Variants in RTN4IP1 observed in about 807,000 individuals in gnomAD.
The protein encoded by RTN4IP1 is NAD(P)H oxidoreductase RTN4IP1, mitochondrial.
RTN4IP1 carries 32 observed loss-of-function variants against 46.6 expected under a neutral mutation model. The ratio of observed to expected loss-of-function variants is 0.69; its 90% confidence interval spans 0.52 to 0.92. RTN4IP1 has a LOEUF of 0.92. Ranked by LOEUF, RTN4IP1 falls within the 40% of genes least tolerant of loss-of-function variation. The pLI is 0.00. For missense variants in RTN4IP1, 424 were observed against 485.8 expected, an observed-to-expected ratio of 0.87 and a Z score of 1.20; for synonymous variants, 167 against 161.8, an observed-to-expected ratio of 1.03 and a Z score of -0.24.
At chr6:106,624,581 C>T (rs1776587552) in intron 1 of RTN4IP1, among the ~76,000 whole-genome samples, 1 of 151,262 alleles carries the variant, frequency 6.6e-6, no homozygotes, top group Non-Finnish European at 1.5e-5. Flanking sequence ...AAGCGATCCA[C>T]CCACCTTGCC....
rs369799667 is a variant in RTN4IP1, at chr6:106,592,884, G to A, written c.670-584C>T. Among the ~76,000 whole-genome samples the A allele has an allele frequency of 5.6e-4, 85 of 151,784 alleles. 1 individual carries two copies. The highest frequency in any genetic ancestry group is 1.9e-3 in the African/African-American group (77 of 41,406). ...GCAGAGGTTGCAGTGAGCCAAGATC[G>A]TGCCATCGCACTCCAGCCTGGGGTA... On this transcript the variant is annotated intron_variant, in intron 5 of 8. Transcript: ENST00000369063.
intron 4 of RTN4IP1, among the ~76,000 whole-genome samples, chr6:106,611,609 T>C (rs983385417): frequency 2.0e-5 from 3 of 152,170 alleles, no homozygotes; most frequent in Non-Finnish European, 4.4e-5. Flanking sequence ...GGAAAACAGA[T>C]AAAAGATAGC....
chr6:106,605,512 C>A (rs769807860), intron 4 of RTN4IP1, among the ~76,000 whole-genome samples: 4 of 150,742 alleles, frequency 2.7e-5, no homozygotes, highest in Non-Finnish European at 5.9e-5. Flanking sequence ...GTGATTACAG[C>A]CAAAGAAATC....
At chr6:106,604,976 T>C (rs1252331033) in intron 4 of RTN4IP1, among the ~76,000 whole-genome samples, 2 of 152,166 alleles carry the variant, frequency 1.3e-5, no homozygotes, top group African/African-American at 4.8e-5. Flanking sequence ...CCAGTTCACC[T>C]GGGGCCCACA....
At chr6:106,577,644 C>T (rs774747532) in intron 8 of RTN4IP1, among the ~76,000 whole-genome samples, 1 of 151,984 alleles carries the variant, frequency 6.6e-6, no homozygotes, top group Non-Finnish European at 1.5e-5. Context: ...AATATGGCAC[C>T]TTACATGGCA....
chr6:106,580,633 C>A (rs527611448), intron 8 of RTN4IP1, among the ~76,000 whole-genome samples: 4 of 150,656 alleles, frequency 2.7e-5, no homozygotes, highest in Admixed American at 2.7e-4. Context: ...GCAGGAGAAT[C>A]GCTTGTACCC....
At chr6:106,595,122 A>C (rs2114645629) in intron 5 of RTN4IP1, among the ~76,000 whole-genome samples, 2 of 152,206 alleles carry the variant, frequency 1.3e-5, no homozygotes, top group Middle Eastern at 6.8e-3. Flanking sequence ...TTTAAATCAT[A>C]GGCTCCTGTT....
At chr6:106,611,747 T>C (rs1322347416) in intron 4 of RTN4IP1, among the ~76,000 whole-genome samples, 2 of 152,238 alleles carry the variant, frequency 1.3e-5, no homozygotes, top group Non-Finnish European at 2.9e-5. Context: ...TAGATTTATG[T>C]GTCCTCTTCT....
At chr6:106,628,668 G>T in intron 1 of RTN4IP1, 80 bp downstream of exon 1, 1 of 1,265,556 alleles carries the variant, frequency 7.9e-7, no homozygotes, top group Non-Finnish European at 1.1e-6. Flanking sequence ...AACCAAAGAA[G>T]CGTAGTCAAT....
intron 8 of RTN4IP1, among the ~76,000 whole-genome samples, chr6:106,574,163 G>A (rs568371456): frequency 1.3e-5 from 2 of 152,256 alleles, no homozygotes; most frequent in East Asian, 1.9e-4. Flanking sequence ...GATGTTTCTC[G>A]GCCCAGTGCA....
chr6:106,589,236 AG>A (rs1562136679), intron 6 of RTN4IP1, among the ~76,000 whole-genome samples: 1 of 3,198 alleles, frequency 3.1e-4, no homozygotes, highest in Non-Finnish European at 2.1e-3. Flanking sequence ...AGGAGGAGGG[AG>A]GGAGGAGGAG....
rs1375076734 is a variant in RTN4IP1, at chr6:106,579,782, T to TA, written c.1083+3545_1083+3546insT. On this transcript the variant is annotated intron_variant, in intron 8 of 8. Transcript: ENST00000369063. Reference sequence around the variant, plus strand: ...CAGTAATACTCATTAATCCAGATTCTTTTTTTTTTTTCCTTGAGATGGGAT... The same window carrying TA: ...CAGTAATACTCATTAATCCAGATTCTATTTTTTTTTTTCCTTGAGATGGGAT... Among the ~76,000 whole-genome samples, 3 of 132,494 alleles carry TA rather than the reference T, an allele frequency of 2.3e-5. No homozygotes were observed. In the East Asian group the frequency reaches 6.0e-4, roughly 27 times the overall value. The allele number at this position is 132,494 out of a possible 152,430, so 86.9% of individuals were successfully genotyped here.
chr6:106,616,562 A>T (rs962809591), intron 4 of RTN4IP1, among the ~76,000 whole-genome samples: 4 of 140,162 alleles, frequency 2.9e-5, no homozygotes, highest in African/African-American at 1.1e-4. Context: ...GCATGCCTTA[A>T]TGCCAATAGC....
chr6:106,589,156 AG>A (rs1775559516), intron 6 of RTN4IP1, among the ~76,000 whole-genome samples: 4 of 66,666 alleles, frequency 6.0e-5, no homozygotes, highest in Non-Finnish European at 6.2e-5. Context: ...AGGAAGAGGA[AG>A]GAGGAGGAGG....
rs1254256612 is a variant in RTN4IP1, at chr6:106,628,619, C to G, written c.274+129G>C. 12 of 868,434 alleles carry G rather than the reference C, an allele frequency of 1.4e-5. No homozygotes were observed. The East Asian group carries it at 3.2e-4, about 23-fold the overall frequency. The allele number at this position is 868,434 out of a possible 1,614,324, so 53.8% of individuals were successfully genotyped here. A position where few individuals can be genotyped will look rare whatever the true frequency, so the allele number is the denominator to read the frequency against. ...ATTTCAAAAATTTTGGAAATATTTG[C>G]AGAGGTATTGTTAAAAACCTAAATG... On this transcript the variant is annotated intron_variant, in intron 1 of 8. Transcript: ENST00000369063.
chr6:106,574,285 A>G (rs1775163189), intron 8 of RTN4IP1, among the ~76,000 whole-genome samples: 1 of 152,202 alleles, frequency 6.6e-6, no homozygotes, highest in South Asian at 2.1e-4. Flanking sequence ...TCCACTAAAA[A>G]TACAAAAATT....
In RTN4IP1 at chr6:106,629,466, G is replaced by A. The variant is rs1776755590; in HGVS notation, c.-445C>T. 1 of 643,984 alleles carries A rather than the reference G, an allele frequency of 1.6e-6. No homozygotes were observed. The highest frequency in any genetic ancestry group is 2.6e-6 in the Non-Finnish European group (1 of 380,852). 39.9% of individuals were successfully genotyped at this position (643,984 alleles called of 1,614,324 possible). On this transcript the variant is annotated 5_prime_UTR_variant, in exon 1 of 9. Transcript: ENST00000369063. The stretch of plus-strand genomic sequence containing the variant: ...ACCCTGGCCCGGAATCTCCTTGCCT[G>A]CCCGCTCTCCTTAGCCGCCGGGATG...
intron 7 of RTN4IP1, among the ~76,000 whole-genome samples, chr6:106,584,329 C>T (rs143824077): frequency 1.7e-3 from 258 of 152,248 alleles, no homozygotes; most frequent in African/African-American, 5.9e-3. Context: ...AATGACCTGC[C>T]CAACCAAACC....
chr6:106,624,105 G>A (rs969260672), intron 1 of RTN4IP1, among the ~76,000 whole-genome samples: 1 of 152,072 alleles, frequency 6.6e-6, no homozygotes, highest in African/African-American at 2.4e-5. Flanking sequence ...CATGAGGCTG[G>A]AGTGCAGTGG....
Sources: allele counts gnomAD v4.1 joint callset (sites outside exome capture counted in the v4.1 genomes callset), GRCh38; gene constraint gnomAD v4.1.1; transcripts MANE v1.5; gene names NCBI Gene and HGNC (gene_info 2026-07-23, HGNC 2026-07-21).